The following PAPPA2 variants were observed in gnomAD, a reference collection of about 807,000 sequenced individuals.
The protein encoded by PAPPA2 is pappalysin-2.
In PAPPA2, 86 loss-of-function variants were observed where a neutral mutation model predicts 176.4. The observed-to-expected ratio is 0.49, with a 90% CI of 0.41 to 0.58. PAPPA2 has a LOEUF of 0.58. Ranked by LOEUF, PAPPA2 falls within the 20% of genes least tolerant of loss-of-function variation. The pLI is 0.00. For missense variants in PAPPA2, 2,073 were observed against 2,256.9 expected (o/e 0.92, Z 1.65); for synonymous variants, 809 against 852.2 (o/e 0.95, Z 0.88).
chr1:176,835,082 C>A (rs1384990280), intron 21 of PAPPA2, among the ~76,000 whole-genome samples: 1 of 152,166 alleles, frequency 6.6e-6, no homozygotes, highest in Non-Finnish European at 1.5e-5. Flanking sequence ...CCGTACCAAG[C>A]CCCTTCTGTA....
chr1:176,464,273 A>C (rs1487652189), intron 1 of PAPPA2, among the ~76,000 whole-genome samples: 4 of 152,274 alleles, frequency 2.6e-5, no homozygotes, highest in African/African-American at 7.2e-5. Flanking sequence ...ACACTCCCAT[A>C]ATTTCAAATC....
intron 1 of PAPPA2, among the ~76,000 whole-genome samples, chr1:176,522,181 C>T (rs1172542961): frequency 1.3e-5 from 2 of 152,174 alleles, no homozygotes; most frequent in Admixed American, 1.3e-4. Flanking sequence ...AATTTCTACT[C>T]ATAAAAGCAA....
intron 20 of PAPPA2, among the ~76,000 whole-genome samples, chr1:176,798,435 T>C (rs1241305271): frequency 1.3e-5 from 2 of 152,214 alleles, no homozygotes; most frequent in African/African-American, 2.4e-5. Context: ...GGTGGGGAAC[T>C]GGGGGTCCAT....
At chr1:176,567,296 A>C (rs1016747748) in intron 2 of PAPPA2, among the ~76,000 whole-genome samples, 2 of 152,238 alleles carry the variant, frequency 1.3e-5, no homozygotes, top group African/African-American at 2.4e-5. Flanking sequence ...TAAAATGTGG[A>C]AACTGGAATC....
chr1:176,545,012 A>T (rs1208781315), intron 1 of PAPPA2, among the ~76,000 whole-genome samples: 1 of 152,176 alleles, frequency 6.6e-6, no homozygotes, highest in African/African-American at 2.4e-5. Flanking sequence ...ACAGCCTGAA[A>T]GCTAATTGAA....
chr1:176,513,158 TATCATCATCATCATCATC>T (rs66771117), intron 1 of PAPPA2, among the ~76,000 whole-genome samples: 4 of 149,546 alleles, frequency 2.7e-5, no homozygotes, highest in African/African-American at 9.9e-5. Flanking sequence ...CATTTCTGTC[TATCATCATCATCATCATC>T]ATCATCATCA....
chr1:176,516,706 A>G (rs564425597), intron 1 of PAPPA2, among the ~76,000 whole-genome samples: 2 of 152,210 alleles, frequency 1.3e-5, no homozygotes, highest in Admixed American at 6.5e-5. Flanking sequence ...AGCCCTTACC[A>G]TACACCAAAA....
At chr1:176,786,353 A>T (rs1177943001) in intron 17 of PAPPA2, among the ~76,000 whole-genome samples, 1 of 152,082 alleles carries the variant, frequency 6.6e-6, no homozygotes, top group African/African-American at 2.4e-5. Flanking sequence ...TGGTGTTGCA[A>T]AGTAGTATGC....
chr1:176,558,199 C>A (rs1382417599), intron 2 of PAPPA2, among the ~76,000 whole-genome samples: 1 of 152,170 alleles, frequency 6.6e-6, no homozygotes, highest in Non-Finnish European at 1.5e-5. Context: ...CACAGTAGAA[C>A]CATATAATCT....
intron 9 of PAPPA2, 39 bp downstream of exon 9, chr1:176,702,774 T>TGTGA (rs753076720): frequency 1.4e-6 from 2 of 1,435,522 alleles, no homozygotes; most frequent in Middle Eastern, 2.1e-4. Context: ...TGTGTGTGTG[T>TGTGA]GTGAGAGAGA....
chr1:176,488,146 C>T (rs1241728541), intron 1 of PAPPA2, among the ~76,000 whole-genome samples: 1 of 152,080 alleles, frequency 6.6e-6, no homozygotes, highest in Non-Finnish European at 1.5e-5. Flanking sequence ...CCTCAATTCC[C>T]AGTGTAGTTA....
chr1:176,792,959 G>T (rs1016823541), intron 19 of PAPPA2, among the ~76,000 whole-genome samples: 1 of 152,108 alleles, frequency 6.6e-6, no homozygotes, highest in African/African-American at 2.4e-5. Context: ...ATTCTTCACT[G>T]CTTCCTCCTT....
intron 11 of PAPPA2, among the ~76,000 whole-genome samples, chr1:176,710,402 A>G (rs533924106): frequency 6.6e-6 from 1 of 152,338 alleles, no homozygotes; most frequent in East Asian, 1.9e-4. Flanking sequence ...AAAAATGGGT[A>G]TAGTAACACC....
intron 15 of PAPPA2, among the ~76,000 whole-genome samples, chr1:176,768,536 G>A (rs1664078825): frequency 6.6e-6 from 1 of 152,138 alleles, no homozygotes; most frequent in Non-Finnish European, 1.5e-5. Flanking sequence ...CCAAAATGTA[G>A]CTCTAACATT....
chr1:176,790,036 T>TC (rs1266072714), intron 18 of PAPPA2, 59 bp downstream of exon 18: 37 of 1,546,190 alleles, frequency 2.4e-5, no homozygotes, highest in Non-Finnish European at 1.8e-6. Flanking sequence ...TGATGCCCAA[T>TC]CCAAGAAATT....
intron 14 of PAPPA2, among the ~76,000 whole-genome samples, chr1:176,749,071 A>ATCATACACATATTTGACTACATTGGTGG (rs71129583): frequency 6.6e-6 from 1 of 151,410 alleles, no homozygotes; most frequent in Non-Finnish European, 1.5e-5. Context: ...TCCAGTATCT[A>ATCATACACATATTTGACTACATTGGTGG]TCATACACAT....
intron 3 of PAPPA2, among the ~76,000 whole-genome samples, chr1:176,620,691 A>G (rs1258533461): frequency 1.3e-5 from 2 of 152,172 alleles, no homozygotes; most frequent in African/African-American, 4.8e-5. Context: ...CCCAACCCCT[A>G]TGTTAATCTG....
intron 1 of PAPPA2, among the ~76,000 whole-genome samples, chr1:176,537,953 A>C (rs1650156799): frequency 6.6e-6 from 1 of 151,940 alleles, no homozygotes; most frequent in Admixed American, 6.6e-5. Context: ...ATGTGTCCTG[A>C]ATCCAACCAT....
At chr1:176,512,060 TAAAA>T (rs1648628215) in intron 1 of PAPPA2, among the ~76,000 whole-genome samples, 1 of 151,830 alleles carries the variant, frequency 6.6e-6, no homozygotes, top group African/African-American at 2.4e-5. Context: ...ATAAAAAGAA[TAAAA>T]AGGACCTCCC....
Sources: allele counts gnomAD v4.1 joint callset (sites outside exome capture counted in the v4.1 genomes callset), GRCh38; gene constraint gnomAD v4.1.1; transcripts MANE v1.5; gene names NCBI Gene and HGNC (gene_info 2026-07-23, HGNC 2026-07-21).